Variants in PHF8 observed in about 807,000 individuals in gnomAD.
PHF8 encodes PHD finger protein 8.
Under a neutral mutation model 74.4 loss-of-function variants are expected in PHF8, and 9 were observed. The ratio of observed to expected loss-of-function variants is 0.12; its 90% CI spans 0.07 to 0.21. The LOEUF is 0.21. Among genes scored for constraint, PHF8 ranks in the 10% least tolerant of loss-of-function variants. The probability of loss-of-function intolerance (pLI) is 1.00; values close to 1 mark genes in which losing one functional copy is unlikely to be tolerated. For missense variants in PHF8, 478 were observed against 816.6 expected, an observed-to-expected ratio of 0.59 and a Z score of 5.05; for synonymous variants, 311 against 316.6, an observed-to-expected ratio of 0.98 and a Z score of 0.19.
At chrX:54,021,323 AC>A (rs1425271433) in intron 4 of PHF8, among the ~76,000 whole-genome samples, 1 of 110,299 alleles carries the variant, frequency 9.1e-6, no homozygotes, top group African/African-American at 3.3e-5. Context: ...GGGCTGAAAA[AC>A]TAGCTACTGG....
chrX:53,953,637 C>CT (rs1557087714), intron 19 of PHF8, among the ~76,000 whole-genome samples: 2 of 85,408 alleles, frequency 2.3e-5, no homozygotes, highest in African/African-American at 9.1e-5. Context: ...GAGTGACACT[C>CT]TGTCTCAAAA....
At position 53,938,611 on chromosome X, in the gene PHF8, C is replaced by G; in HGVS notation, c.*547G>C. 1.3e-6 allele frequency: 1 copy of G among 757,525 alleles called. No homozygotes were observed. 62.4% of individuals were successfully genotyped at this position (757,525 alleles called of 1,213,427 possible). A position where few individuals can be genotyped will look rare whatever the true frequency, so the allele number is the denominator to read the frequency against. On this transcript the variant is annotated 3_prime_UTR_variant, in exon 22 of 22. Coordinates refer to ENST00000338154, the MANE Select transcript of PHF8 (RefSeq NM_015107.3). ...AGGCTCTAGGCCTTCCTCTTCATTT[C>G]CATGAAGCATTTGGCAAGAGGGGGC... is the stretch of plus-strand genomic sequence containing the variant.
Position 53,938,047 on chromosome X carries a change from G to T in PHF8, c.*1111C>A. 4 of 1,164,988 alleles carry T rather than the reference G, an allele frequency of 3.4e-6. No homozygotes were observed. Among genetic ancestry groups the T allele is most frequent in the Non-Finnish European group, 4.6e-6 (4 of 871,870 alleles). On this transcript the variant is annotated 3_prime_UTR_variant, in exon 22 of 22. Transcript: ENST00000338154. ...TGGCCTGTCTGCATTCTGCTTGAACGATGACCTGTCGTCTGGAAGTGCAAA... is the reference window on the plus strand; with the variant it reads ...TGGCCTGTCTGCATTCTGCTTGAACTATGACCTGTCGTCTGGAAGTGCAAA...
chrX:53,968,761 T>C (rs1224485726), intron 18 of PHF8, among the ~76,000 whole-genome samples: 1 of 110,818 alleles, frequency 9.0e-6, no homozygotes, highest in Non-Finnish European at 1.9e-5. Flanking sequence ...ATACAAAAAA[T>C]TAGCTGGGCG....
Position 54,044,230 on chromosome X carries a change from A to C in PHF8, c.-561T>G. The C allele has an allele frequency of 1.3e-6, 1 of 755,186 alleles. No individual in the cohort carries two copies. The highest frequency in any genetic ancestry group is 1.6e-6 in the Non-Finnish European group (1 of 639,491). 62.2% of individuals were successfully genotyped at this position (755,186 alleles called of 1,213,427 possible). A position where few individuals can be genotyped will look rare whatever the true frequency, so the allele number is the denominator to read the frequency against. ...GGCCGGCAGGAGATACTCGCGAGCA[A>C]ACCAACGGGGAAAGAGATGAACCGG... On this transcript the variant is annotated 5_prime_UTR_variant, in exon 1 of 22. Coordinates refer to ENST00000338154, the MANE Select transcript of PHF8 (RefSeq NM_015107.3).
chrX:53,949,930 T>C (rs1305899881), intron 19 of PHF8, among the ~76,000 whole-genome samples: 1 of 109,856 alleles, frequency 9.1e-6, no homozygotes, highest in Non-Finnish European at 1.9e-5. Flanking sequence ...AAGGATGAGA[T>C]GTTATGATGG....
chrX:53,949,760 G>A (rs782714775), intron 19 of PHF8, among the ~76,000 whole-genome samples: 3 of 98,185 alleles, frequency 3.1e-5, no homozygotes, highest in East Asian at 3.1e-4. Flanking sequence ...TGCAGTGAGC[G>A]GAGATCGCAC....
rs782222208 is a variant in PHF8 at position 54,041,345 on chromosome X, T to C, written c.98+1286A>G. Among the ~76,000 whole-genome samples the C allele has an allele frequency of 9.4e-3, 985 of 104,533 alleles. 3 individuals are homozygous for C. The highest frequency in any genetic ancestry group is 0.015 in the Non-Finnish European group (776 of 51,230). The allele number at this position is 104,533 out of a possible 115,157, so 90.8% of individuals were successfully genotyped here. ...GTTGCAGTGAGCTGAGATCATGCCA[T>C]TGCACTCCAGCCTGGGTGACAAGAG... On this transcript the variant is annotated intron_variant, in intron 2 of 21. Transcript: ENST00000338154.
intron 11 of PHF8, among the ~76,000 whole-genome samples, chrX:53,996,420 AT>A (rs2065749412): frequency 9.6e-6 from 1 of 104,096 alleles, no homozygotes; most frequent in South Asian, 4.2e-4. Flanking sequence ...AGCCTATGAT[AT>A]TTTTTGTAAT....
At chrX:54,005,433 C>A in intron 8 of PHF8, among the ~76,000 whole-genome samples, 1 of 97,142 alleles carries the variant, frequency 1.0e-5, no homozygotes. Context: ...GACACTCCCT[C>A]TCAAAAAAAA....
Position 54,038,989 on chromosome X carries a change from C to T in PHF8, c.98+3642G>A, listed in dbSNP as rs140534563. 6.4e-3 allele frequency among the ~76,000 whole-genome samples: 696 copies of T among 109,536 alleles called. 7 individuals carry two copies. Among genetic ancestry groups the T allele is most frequent in the Non-Finnish European group, 9.9e-3 (521 of 52,653 alleles). On this transcript the variant is annotated intron_variant, in intron 2 of 21. Coordinates refer to ENST00000338154, the MANE Select transcript of PHF8 (RefSeq NM_015107.3). ...GTCTCTACTAAAATACAAAAATGAG[C>T]CGGGTGTGGTGGCGCGCACCTGTAA...
chrX:53,948,047 A>T (rs2064857454), intron 19 of PHF8, among the ~76,000 whole-genome samples: 1 of 111,913 alleles, frequency 8.9e-6, no homozygotes, highest in South Asian at 3.7e-4. Flanking sequence ...CCATTTCCAA[A>T]TTCCTGACCC....
At chrX:53,991,418 T>C (rs2065657840) in intron 14 of PHF8, among the ~76,000 whole-genome samples, 1 of 109,019 alleles carries the variant, frequency 9.2e-6, no homozygotes, top group African/African-American at 3.3e-5. Context: ...TCCCAGCACT[T>C]TGGGAGACCG....
intron 14 of PHF8, among the ~76,000 whole-genome samples, chrX:53,988,343 G>T (rs1212947479): frequency 9.0e-6 from 1 of 111,543 alleles, no homozygotes; most frequent in Admixed American, 9.6e-5. Context: ...TTCAGTAGAA[G>T]TTGCTGAGAA....
intron 20 of PHF8, 79 bp downstream of exon 20, chrX:53,944,055 T>C (rs1322244417): frequency 8.5e-6 from 5 of 588,117 alleles, no homozygotes; most frequent in Admixed American, 5.0e-5. Context: ...TGGGATCCTA[T>C]CAGCCTGCAG....
chrX:53,977,165 T>C lies in PHF8; in HGVS notation c.2443+7749A>G, dbSNP rs782506802. Among the ~76,000 whole-genome samples the C allele has an allele frequency of 1.3e-3, 145 of 109,559 alleles. 1 individual carries two copies. Among genetic ancestry groups the C allele is most frequent in the African/African-American group, 4.7e-3 (140 of 29,702 alleles). ...GCCTGGCCAACATGGTGAAACCTCA[T>C]CTCTACTAGAAAAAAAAAATTAGCT... On this transcript the variant is annotated intron_variant, in intron 18 of 21. Transcript: ENST00000338154.
At chrX:53,944,455 G>A in intron 19 of PHF8, 2 of 406,978 alleles carry the variant, frequency 4.9e-6, no homozygotes, top group Non-Finnish European at 8.6e-6. Context: ...ACCTCCCAGA[G>A]GGAAAAAGAA....
At chrX:53,956,384 T>C (rs1457634317) in intron 19 of PHF8, among the ~76,000 whole-genome samples, 2 of 111,886 alleles carry the variant, frequency 1.8e-5, no homozygotes, top group East Asian at 5.6e-4. Context: ...TATGAGTCAG[T>C]ACACATGGCA....
Position 53,953,659 on chromosome X carries a change from C to CG in PHF8, c.2539+9184dup, listed in dbSNP as rs1557087763. On this transcript the variant is annotated intron_variant, in intron 19 of 21. Transcript: ENST00000338154. ...ACTCTGTCTCAAAAAAAAAAAAAAG[C>CG]GGGGGGGGTCCTAGAAAATAGCTAT... 4.8e-3 allele frequency among the ~76,000 whole-genome samples: 417 copies of CG among 86,877 alleles called. 2 individuals carry two copies. The highest frequency in any genetic ancestry group is 0.016 in the African/African-American group (284 of 18,018). 75.4% of individuals were successfully genotyped at this position (86,877 alleles called of 115,157 possible). A position where few individuals can be genotyped will look rare whatever the true frequency, so the allele number is the denominator to read the frequency against.
Sources: gnomAD v4.1 joint callset for allele counts (sites outside exome capture counted in the v4.1 genomes callset) on GRCh38, gnomAD v4.1.1 for gene constraint, MANE v1.5 for transcripts, NCBI Gene and HGNC (gene_info 2026-07-23, HGNC 2026-07-21) for gene names.